ERBB4: variants seen among roughly 807,000 people sequenced by gnomAD.
ERBB4 encodes receptor tyrosine-protein kinase erbB-4.
In ERBB4, 42 loss-of-function variants were observed where a neutral mutation model predicts 158.0. The ratio of observed to expected loss-of-function variants is 0.27; its 90% CI spans 0.21 to 0.34. The LOEUF is 0.34. Among genes scored for constraint, ERBB4 ranks in the 10% least tolerant of loss-of-function variants. The pLI is 1.00. For synonymous variants in ERBB4, 583 were observed against 558.7 expected (o/e 1.04, Z -0.61); for missense variants, 1,333 against 1,624.1 (o/e 0.82, Z 3.08).
intron 1 of ERBB4, among the ~76,000 whole-genome samples, chr2:212,447,218 C>T (rs2092374751): frequency 6.6e-6 from 1 of 151,818 alleles, no homozygotes; most frequent in Admixed American, 6.6e-5. Flanking sequence ...AGGATGGTAT[C>T]GATCTCCTGA....
intron 3 of ERBB4, among the ~76,000 whole-genome samples, chr2:211,830,410 C>T (rs1346441006): frequency 6.6e-6 from 1 of 152,122 alleles, no homozygotes; most frequent in Non-Finnish European, 1.5e-5. Flanking sequence ...TTTCCTATGA[C>T]ACCCTTTCTT....
chr2:211,410,468 A>G (rs1164863671), intron 25 of ERBB4, among the ~76,000 whole-genome samples: 4 of 152,246 alleles, frequency 2.6e-5, no homozygotes, highest in Non-Finnish European at 5.9e-5. Context: ...AATATTAAAG[A>G]GAAAAATAAT....
chr2:212,056,319 G>A (rs572480425), intron 2 of ERBB4, among the ~76,000 whole-genome samples: 2 of 152,332 alleles, frequency 1.3e-5, no homozygotes, highest in South Asian at 2.1e-4. Flanking sequence ...ACCTGAAAGT[G>A]ACGGGGAGAA....
chr2:212,106,692 C>G (rs2079238597), intron 2 of ERBB4, among the ~76,000 whole-genome samples: 1 of 152,240 alleles, frequency 6.6e-6, no homozygotes, highest in African/African-American at 2.4e-5. Context: ...CCCCTCCCAT[C>G]ACAGGCCTGG....
intron 1 of ERBB4, among the ~76,000 whole-genome samples, chr2:212,204,980 G>T (rs559004893): frequency 6.6e-6 from 1 of 151,368 alleles, no homozygotes; most frequent in African/African-American, 2.4e-5. Flanking sequence ...CACCACGCCC[G>T]GCTAGTTTTG....
At chr2:211,724,970 T>G in intron 6 of ERBB4, 106 bp downstream of exon 6, 2 of 872,776 alleles carry the variant, frequency 2.3e-6, no homozygotes, top group South Asian at 2.7e-5. Context: ...AATCCTAAAG[T>G]GGCTAAAGTT....
intron 25 of ERBB4, among the ~76,000 whole-genome samples, chr2:211,393,282 T>G (rs903318366): frequency 3.3e-5 from 5 of 152,160 alleles, no homozygotes; most frequent in African/African-American, 1.2e-4. Context: ...CTATTTTAGG[T>G]TTTATTTATT....
At chr2:212,472,140 C>T (rs1377099219) in intron 1 of ERBB4, among the ~76,000 whole-genome samples, 1 of 151,828 alleles carries the variant, frequency 6.6e-6, no homozygotes, top group Non-Finnish European at 1.5e-5. Context: ...TCATGCTTCT[C>T]AATTGTGGTT....
chr2:212,500,343 G>A (rs1023155332), intron 1 of ERBB4, among the ~76,000 whole-genome samples: 8 of 151,956 alleles, frequency 5.3e-5, no homozygotes, highest in African/African-American at 9.7e-5. Context: ...CCAGATAATT[G>A]GCAGTTTTCT....
At chr2:211,397,137 T>C (rs1022900362) in intron 25 of ERBB4, among the ~76,000 whole-genome samples, 1 of 151,746 alleles carries the variant, frequency 6.6e-6, no homozygotes, top group African/African-American at 2.4e-5. Context: ...CAAGAGAAAA[T>C]AGCCCTCCCC....
chr2:212,061,453 C>CAAAAAAA (rs754237880), intron 2 of ERBB4, among the ~76,000 whole-genome samples: 1 of 22,828 alleles, frequency 4.4e-5, no homozygotes, highest in Non-Finnish European at 7.8e-5. Flanking sequence ...ACTCTGTCTC[C>CAAAAAAA]AAAAAAAAAA....
intron 1 of ERBB4, among the ~76,000 whole-genome samples, chr2:212,328,050 T>A (rs953507500): frequency 6.7e-6 from 1 of 149,682 alleles, no homozygotes; most frequent in Non-Finnish European, 1.5e-5. Flanking sequence ...AAAGTCACAA[T>A]TCACAATTTG....
intron 4 of ERBB4, among the ~76,000 whole-genome samples, chr2:211,783,220 T>G (rs1243831980): frequency 1.3e-5 from 2 of 152,260 alleles, no homozygotes; most frequent in African/African-American, 4.8e-5. Flanking sequence ...ATTGATTTTG[T>G]ATCCTGAGAC....
intron 3 of ERBB4, among the ~76,000 whole-genome samples, chr2:211,794,130 A>G (rs540794194): frequency 1.3e-5 from 2 of 152,054 alleles, no homozygotes; most frequent in Non-Finnish European, 2.9e-5. Flanking sequence ...AGAAAATAAT[A>G]TCTTGATTTC....
chr2:212,438,654 T>A (rs542001731), intron 1 of ERBB4, among the ~76,000 whole-genome samples: 1 of 152,176 alleles, frequency 6.6e-6, no homozygotes, highest in African/African-American at 2.4e-5. Flanking sequence ...AAGAACTGAG[T>A]AAATGCATAT....
chr2:211,977,933 T>C (rs1345644708), intron 2 of ERBB4, among the ~76,000 whole-genome samples: 2 of 150,184 alleles, frequency 1.3e-5, no homozygotes, highest in Admixed American at 6.7e-5. Flanking sequence ...AATATATTCA[T>C]ATTTAAATTA....
chr2:211,858,382 T>C (rs953238135), intron 3 of ERBB4, among the ~76,000 whole-genome samples: 1 of 152,176 alleles, frequency 6.6e-6, no homozygotes, highest in Non-Finnish European at 1.5e-5. Context: ...TAAAAGTATA[T>C]TCAGTAAATT....
chr2:211,746,064 G>C (rs928893515), intron 5 of ERBB4, among the ~76,000 whole-genome samples: 2 of 152,142 alleles, frequency 1.3e-5, no homozygotes, highest in African/African-American at 4.8e-5. Context: ...CAGGAATATT[G>C]TGAAAATGAA....
In ERBB4 at chr2:212,197,674, G is replaced by T. The variant is rs137901300; in HGVS notation, c.83-72771C>A. ...TGTTTATAACTCCAGATTTTGTATT[G>T]CCTTTTGTGTTTAAAGCCATTTCCT... is the stretch of plus-strand genomic sequence containing the variant. On this transcript the variant is annotated intron_variant, in intron 1 of 27. Coordinates refer to ENST00000342788, the MANE Select transcript of ERBB4 (RefSeq NM_005235.3). Among the ~76,000 whole-genome samples, 422 of 152,166 alleles carry T rather than the reference G, an allele frequency of 2.8e-3. 7 individuals carry two copies. Among genetic ancestry groups the T allele is most frequent in the Admixed American group, 0.023 (344 of 15,280 alleles).
Sources: allele counts gnomAD v4.1 joint callset (sites outside exome capture counted in the v4.1 genomes callset), GRCh38; gene constraint gnomAD v4.1.1; transcripts MANE v1.5; gene names NCBI Gene and HGNC (gene_info 2026-07-23, HGNC 2026-07-21).